ZNF469: variants seen among roughly 807,000 people sequenced by gnomAD.
The protein encoded by ZNF469 is zinc finger protein 469.
A neutral mutation model predicts 1.0 loss-of-function variants in ZNF469; 1 was observed. The observed-to-expected ratio is 1.00, with a 90% CI of 0.35 to 4.73. The LOEUF (loss-of-function observed/expected upper bound fraction) is 4.73. Among genes scored for constraint, ZNF469 ranks in the 30% most tolerant of loss-of-function variants. The probability of loss-of-function intolerance (pLI) is 0.16; values close to 1 mark genes in which losing one functional copy is unlikely to be tolerated. For missense variants in ZNF469, 6,100 were observed against 5,356.3 expected, an observed-to-expected ratio of 1.14 and a Z score of -4.33; for synonymous variants, 2,703 against 2,363.4, an observed-to-expected ratio of 1.14 and a Z score of -4.17.
the ZNF469 span, among the ~76,000 whole-genome samples, chr16:88,284,757 C>T: frequency 7.6e-3 from 1,157 of 152,296 alleles, 17 homozygotes; most frequent in African/African-American, 0.026. Context: ...CACACTCCGC[C>T]GTGCCCCTGG....
chr16:88,197,283 C>T, the ZNF469 span, among the ~76,000 whole-genome samples: 4 of 152,136 alleles, frequency 2.6e-5, no homozygotes, highest in Admixed American at 1.3e-4. Flanking sequence ...CATGGCTCAC[C>T]GCGGGATCCT....
chr16:88,142,058 G>A, the ZNF469 span, among the ~76,000 whole-genome samples: 6 of 152,246 alleles, frequency 3.9e-5, no homozygotes, highest in South Asian at 2.1e-4. Context: ...GATGCCTGAT[G>A]CAGATGATAG....
At chr16:88,422,595 G>A (rs1462667959) in intron 1 of ZNF469, among the ~76,000 whole-genome samples, 3 of 150,122 alleles carry the variant, frequency 2.0e-5, no homozygotes, top group African/African-American at 7.4e-5. Context: ...GTGGATGATT[G>A]GGTGGAAGGG....
rs273585636 is a variant in ZNF469 at position 88,437,025 on chromosome 16, C to T, written c.9555C>T (p.Ala3185=). 4.6e-6 allele frequency: 7 copies of T among 1,528,682 alleles called. No homozygotes were observed. Among genetic ancestry groups the T allele is most frequent in the Admixed American group, 4.0e-5 (2 of 50,234 alleles). 94.7% of individuals were successfully genotyped at this position (1,528,682 alleles called of 1,614,324 possible). A position where few individuals can be genotyped will look rare whatever the true frequency, so the allele number is the denominator to read the frequency against. Residue 3185 remains alanine (A), a synonymous_variant, in exon 3 of 3, where the codon GCC becomes GCT. Transcript: ENST00000565624. The stretch of plus-strand genomic sequence containing the variant: ...GCGGCATGTGCCTGAAGGAGGTGGC[C>T]GACGTCTGGATGTACAACGAGCACC... ...WACGMCLKEV[A]DVWMYNEHLR...
At position 88,429,798 on chromosome 16, in the gene ZNF469, C is replaced by T; in HGVS notation, c.2328C>T (p.Pro776=). The change falls in exon 3 of 3, where the codon CCC becomes CCT. Residue 776 remains proline (P), a synonymous_variant. Coordinates refer to ENST00000565624, the MANE Select transcript of ZNF469 (RefSeq NM_001367624.2). ...RSPGPPGLPS[P]PAAPRVPADA... ...CAGGCCCCCCTGGGCTCCCCTCGCC[C>T]CCCGCTGCCCCCAGAGTCCCTGCCG... The T allele has an allele frequency of 6.5e-7, 1 of 1,545,188 alleles. No individual in the cohort carries two copies. Among genetic ancestry groups the T allele is most frequent in the Non-Finnish European group, 8.7e-7 (1 of 1,144,272 alleles).
the ZNF469 span, among the ~76,000 whole-genome samples, chr16:88,341,099 C>T: frequency 0.22 from 33,589 of 152,112 alleles, 4,721 homozygotes; most frequent in African/African-American, 0.4. Context: ...GGTCCAGTAG[C>T]AAATCTCTCA....
the ZNF469 span, among the ~76,000 whole-genome samples, chr16:88,296,451 C>G: frequency 3.7e-5 from 5 of 135,194 alleles, no homozygotes; most frequent in South Asian, 2.4e-4. Flanking sequence ...CAGACATGCT[C>G]ACCCTCCCCC....
At chr16:88,336,305 C>T in the ZNF469 span, among the ~76,000 whole-genome samples, 1 of 151,502 alleles carries the variant, frequency 6.6e-6, no homozygotes. Flanking sequence ...CAATACCACA[C>T]ACATTCATCC....
chr16:88,173,726 T>C, the ZNF469 span, among the ~76,000 whole-genome samples: 90 of 152,222 alleles, frequency 5.9e-4, no homozygotes, highest in African/African-American at 2.1e-3. Context: ...AGTACACCAC[T>C]CAGTGATTCC....
intron 1 of ZNF469, among the ~76,000 whole-genome samples, chr16:88,416,013 C>T (rs773210384): frequency 6.6e-6 from 1 of 152,192 alleles, no homozygotes; most frequent in Non-Finnish European, 1.5e-5. Flanking sequence ...CTAATCCTCT[C>T]GTCCTTAGGA....
the ZNF469 span, among the ~76,000 whole-genome samples, chr16:88,350,770 G>A: frequency 1.3e-4 from 20 of 152,314 alleles, no homozygotes; most frequent in Middle Eastern, 3.4e-3. Context: ...TTAGAGACAC[G>A]CGCTGCGGGC....
the ZNF469 span, among the ~76,000 whole-genome samples, chr16:88,356,558 G>A: frequency 2.0e-5 from 3 of 152,048 alleles, no homozygotes; most frequent in Non-Finnish European, 2.9e-5. Flanking sequence ...GTGTGCCTGT[G>A]TGCGTGTGGG....
At chr16:88,151,504 A>G in the ZNF469 span, among the ~76,000 whole-genome samples, 64 of 152,312 alleles carry the variant, frequency 4.2e-4, no homozygotes, top group African/African-American at 1.4e-3. The surrounding 1 kb of genome is among the most constrained non-coding windows in gnomAD (Gnocchi z 5.4). Context: ...CGACTGTCCA[A>G]AAGTCCACAG....
intron 1 of ZNF469, among the ~76,000 whole-genome samples, chr16:88,415,799 G>A (rs568719998): frequency 1.0e-3 from 158 of 152,340 alleles, no homozygotes; most frequent in African/African-American, 3.6e-3. Context: ...TCTTCCAGGC[G>A]TGTAGCTCCC....
chr16:88,433,172 C>T lies in ZNF469; in HGVS notation c.5702C>T (p.Pro1901Leu). 1 of 1,550,322 alleles carries T rather than the reference C, an allele frequency of 6.5e-7. No homozygotes were observed. Among genetic ancestry groups the T allele is most frequent in the South Asian group, 1.2e-5 (1 of 84,062 alleles). ...TCCCAGGACCCAGCTTTGAGCCCCC[C>T]CATACGTCAGCTCCAGCTCCCAGGG... ...RRSQDPALSP[P>L]IRQLQLPGPG... Residue 1901 changes from proline to leucine, a missense_variant, in exon 3 of 3, where the codon CCC (proline) becomes CTC (leucine). Pro to Leu is a moderately conservative substitution (Grantham distance 98). Coordinates refer to ENST00000565624, the MANE Select transcript of ZNF469 (RefSeq NM_001367624.2).
the ZNF469 span, among the ~76,000 whole-genome samples, chr16:88,120,739 C>G: frequency 1.3e-5 from 2 of 152,176 alleles, no homozygotes; most frequent in Non-Finnish European, 2.9e-5. Context: ...GCCTGAGCCC[C>G]GGGAACACTG....
At chr16:88,364,324 A>G in the ZNF469 span, among the ~76,000 whole-genome samples, 1 of 152,096 alleles carries the variant, frequency 6.6e-6, no homozygotes, top group African/African-American at 2.4e-5. Context: ...TGGTCTATCT[A>G]TTCCTGTGCC....
the ZNF469 span, chr16:88,178,463 G>T: frequency 2.0e-5 from 3 of 152,180 alleles, no homozygotes; most frequent in Non-Finnish European, 4.4e-5. Flanking sequence ...GTTCTGCTCC[G>T]GGGTGGCCGG....
the ZNF469 span, among the ~76,000 whole-genome samples, chr16:88,190,016 AC>A: frequency 5.1e-5 from 3 of 58,690 alleles, no homozygotes; most frequent in South Asian, 2.0e-3. Context: ...TTCCCACCCC[AC>A]CCACCCTGTT....
Sources: gnomAD v4.1 joint callset for allele counts (sites outside exome capture counted in the v4.1 genomes callset) on GRCh38, gnomAD v4.1.1 for gene constraint, Gnocchi (gnomAD v3.1) non-coding constraint, MANE v1.5 for transcripts, NCBI Gene and HGNC (gene_info 2026-07-23, HGNC 2026-07-21) for gene names.